Variants in TTC28 observed in about 807,000 individuals in gnomAD.
The protein encoded by TTC28 is tetratricopeptide repeat protein 28.
A neutral mutation model predicts 198.0 loss-of-function variants in TTC28; 61 were observed. That is an observed-to-expected ratio of 0.31 (90% CI 0.25 to 0.38). The LOEUF (loss-of-function observed/expected upper bound fraction) is 0.38, where lower values mean the gene tolerates loss of function less well. Ranked by LOEUF, TTC28 falls within the 10% of genes least tolerant of loss-of-function variation. The pLI, the probability that TTC28 is intolerant of heterozygous loss-of-function variation, is 1.00. For missense variants in TTC28, 2,678 were observed against 3,164.0 expected (o/e 0.85, Z 3.69); for synonymous variants, 1,171 against 1,297.8 (o/e 0.90, Z 2.10).
At chr22:28,504,754 T>C (rs1207259426) in intron 2 of TTC28, among the ~76,000 whole-genome samples, 3 of 151,968 alleles carry the variant, frequency 2.0e-5, no homozygotes, top group Non-Finnish European at 2.9e-5. Context: ...ATGCTCTTAA[T>C]AAAAAACACT....
intron 6 of TTC28, among the ~76,000 whole-genome samples, chr22:28,122,446 G>A (rs1942812012): frequency 6.6e-6 from 1 of 152,138 alleles, no homozygotes; most frequent in Admixed American, 6.5e-5. Context: ...AAGATTCAAT[G>A]TAGAAAATAT....
intron 5 of TTC28, among the ~76,000 whole-genome samples, chr22:28,180,076 G>A (rs907810056): frequency 6.6e-6 from 1 of 152,128 alleles, no homozygotes; most frequent in African/African-American, 2.4e-5. Context: ...CCTGATTGCA[G>A]GGTTTTCATG....
intron 2 of TTC28, among the ~76,000 whole-genome samples, chr22:28,336,466 C>T (rs1418892638): frequency 6.6e-6 from 1 of 152,140 alleles, no homozygotes; most frequent in Non-Finnish European, 1.5e-5. Context: ...TCCATCTGGT[C>T]CTGGACTTTT....
At chr22:28,062,011 T>C (rs2146740716) in intron 12 of TTC28, among the ~76,000 whole-genome samples, 1 of 152,154 alleles carries the variant, frequency 6.6e-6, no homozygotes, top group East Asian at 1.9e-4. Context: ...ATGATTTGGC[T>C]CTCTGTTTGT....
chr22:28,117,123 A>C (rs1409348373), intron 6 of TTC28, among the ~76,000 whole-genome samples: 1 of 152,180 alleles, frequency 6.6e-6, no homozygotes, highest in Non-Finnish European at 1.5e-5. Flanking sequence ...TCCAGACAGA[A>C]GCGTTGAAGA....
intron 5 of TTC28, among the ~76,000 whole-genome samples, chr22:28,230,426 T>G (rs1288443678): frequency 6.6e-6 from 1 of 152,192 alleles, no homozygotes; most frequent in African/African-American, 2.4e-5. Flanking sequence ...CTTGTTACAA[T>G]CCATTCATAG....
At chr22:28,120,882 C>CTATG (rs1569149935) in intron 6 of TTC28, among the ~76,000 whole-genome samples, 1 of 152,186 alleles carries the variant, frequency 6.6e-6, no homozygotes, top group Non-Finnish European at 1.5e-5. Context: ...AATTCAAACT[C>CTATG]TATGATTGTG....
intron 13 of TTC28, among the ~76,000 whole-genome samples, chr22:28,029,696 T>C (rs1318454250): frequency 6.6e-6 from 1 of 152,186 alleles, no homozygotes; most frequent in Non-Finnish European, 1.5e-5. Context: ...CATTAAGGCC[T>C]ATTTGGTCAA....
intron 2 of TTC28, among the ~76,000 whole-genome samples, chr22:28,500,060 T>G (rs1601474846): frequency 1.3e-5 from 2 of 152,296 alleles, no homozygotes; most frequent in East Asian, 3.9e-4. Flanking sequence ...TCACACACCA[T>G]AAATTCACCC....
chr22:28,436,719 G>A (rs1417745443), intron 2 of TTC28, among the ~76,000 whole-genome samples: 1 of 152,180 alleles, frequency 6.6e-6, no homozygotes, highest in Non-Finnish European at 1.5e-5. Context: ...AGAGCTAGGT[G>A]CCATTCACAT....
chr22:28,450,754 C>T (rs897904871), intron 2 of TTC28, among the ~76,000 whole-genome samples: 2 of 152,240 alleles, frequency 1.3e-5, no homozygotes, highest in East Asian at 3.9e-4. Flanking sequence ...GACACAACAA[C>T]TGGGACTAGG....
At chr22:27,984,523 C>T (rs974369811) in intron 22 of TTC28, among the ~76,000 whole-genome samples, 6 of 152,066 alleles carry the variant, frequency 3.9e-5, no homozygotes, top group African/African-American at 9.7e-5. Flanking sequence ...TCTTCCCCTC[C>T]GACCCGCATG....
chr22:28,383,428 A>G (rs1484915616), intron 2 of TTC28, among the ~76,000 whole-genome samples: 1 of 152,204 alleles, frequency 6.6e-6, no homozygotes, highest in Non-Finnish European at 1.5e-5. Flanking sequence ...CGGTTATAAT[A>G]TACATCTCAC....
intron 21 of TTC28, among the ~76,000 whole-genome samples, chr22:27,987,067 C>A (rs1429785140): frequency 6.6e-6 from 1 of 152,118 alleles, no homozygotes; most frequent in Non-Finnish European, 1.5e-5. Context: ...TTTCTTGGAG[C>A]CTTGGAGCCC....
chr22:28,440,246 A>C (rs1175312412), intron 2 of TTC28, among the ~76,000 whole-genome samples: 2 of 151,416 alleles, frequency 1.3e-5, no homozygotes. Context: ...GACCTATTGC[A>C]CTCTAGAAGA....
chr22:28,509,286 T>C (rs2048656133), intron 2 of TTC28, among the ~76,000 whole-genome samples: 2 of 151,836 alleles, frequency 1.3e-5, no homozygotes, highest in African/African-American at 2.4e-5. Context: ...GATCACATAA[T>C]TGGATTTAAA....
chr22:27,998,624 C>T lies in TTC28; in HGVS notation c.5035G>A (p.Gly1679Ser), dbSNP rs758676588. The change falls in exon 16 of 23, where the codon GGC becomes AGC. Residue 1679 changes from glycine (G) to serine (S), a missense_variant. Gly to Ser is a moderately conservative substitution (Grantham distance 56, BLOSUM62 0). Coordinates refer to ENST00000397906, the MANE Select transcript of TTC28 (RefSeq NM_001145418.2). ...CCCAGGGCGGCGCTGGCTTTCAGGCCGTTCAGCAGGGATGAGTAGAAGGCA... is the reference window on the plus strand; with the variant it reads ...CCCAGGGCGGCGCTGGCTTTCAGGCTGTTCAGCAGGGATGAGTAGAAGGCA... ...IHAFYSSLLN[G>S]LKASAALGEA... 12 of 1,550,732 alleles carry T rather than the reference C, an allele frequency of 7.7e-6. No individual in the cohort carries two copies. The highest frequency in any genetic ancestry group is 3.9e-5 in the Admixed American group (2 of 50,990).
chr22:28,063,375 T>C (rs930822491), intron 12 of TTC28, among the ~76,000 whole-genome samples: 1 of 152,210 alleles, frequency 6.6e-6, no homozygotes, highest in Non-Finnish European at 1.5e-5. Context: ...AATGTGGCCA[T>C]TGGCCATGTT....
At chr22:28,205,233 G>T (rs1926301040) in intron 5 of TTC28, among the ~76,000 whole-genome samples, 1 of 152,026 alleles carries the variant, frequency 6.6e-6, no homozygotes, top group Non-Finnish European at 1.5e-5. Context: ...GAGACCGGGG[G>T]GAGAGAGGGA....
Sources: gnomAD v4.1 joint callset for allele counts (sites outside exome capture counted in the v4.1 genomes callset) on GRCh38, gnomAD v4.1.1 for gene constraint, MANE v1.5 for transcripts, NCBI Gene and HGNC (gene_info 2026-07-23, HGNC 2026-07-21) for gene names.